RNF216: variants seen among roughly 807,000 people sequenced by gnomAD.
RNF216 encodes E3 ubiquitin-protein ligase RNF216.
A neutral mutation model predicts 110.8 loss-of-function variants in RNF216; 72 were observed. The ratio of observed to expected loss-of-function variants is 0.65; its 90% CI spans 0.54 to 0.79. The LOEUF is 0.79. Ranked by LOEUF, RNF216 falls within the 30% of genes least tolerant of loss-of-function variation. The pLI is 0.00. For missense variants in RNF216, 1,342 were observed against 1,141.2 expected (o/e 1.18, Z -2.54); for synonymous variants, 495 against 407.5 (o/e 1.21, Z -2.59).
chr7:5,720,854 A>G (rs1422392881), intron 9 of RNF216, among the ~76,000 whole-genome samples, 179 bp downstream of exon 9: 2 of 152,220 alleles, frequency 1.3e-5, no homozygotes, highest in Non-Finnish European at 2.9e-5. Context: ...GATTTATGAA[A>G]CCACAAACAT....
intron 3 of RNF216, among the ~76,000 whole-genome samples, chr7:5,744,347 T>C (rs1251302981): frequency 2.0e-5 from 3 of 151,900 alleles, no homozygotes; most frequent in Non-Finnish European, 4.4e-5. Context: ...ATAGACAAAA[T>C]GCAACATTAG....
chr7:5,748,242 G>A (rs1299418632), intron 3 of RNF216, among the ~76,000 whole-genome samples: 1 of 152,184 alleles, frequency 6.6e-6, no homozygotes, highest in Non-Finnish European at 1.5e-5. Flanking sequence ...CACACAAACT[G>A]TCTTTGTGCC....
intron 13 of RNF216, among the ~76,000 whole-genome samples, chr7:5,686,205 C>CA (rs1790974213): frequency 7.5e-6 from 1 of 133,254 alleles, no homozygotes; most frequent in African/African-American, 2.9e-5. Flanking sequence ...CCTGGGTTGA[C>CA]AGAGTATGAC....
At chr7:5,633,798 T>C (rs710941) in intron 15 of RNF216, among the ~76,000 whole-genome samples, 27,290 of 152,000 alleles carry the variant, frequency 0.18, 4,205 homozygotes, top group African/African-American at 0.42. Flanking sequence ...CACCCGGCCT[T>C]TCCAGAAACG....
chr7:5,765,195 C>T (rs776997402), intron 1 of RNF216, among the ~76,000 whole-genome samples: 24 of 152,152 alleles, frequency 1.6e-4, no homozygotes, highest in Non-Finnish European at 2.6e-4. Context: ...GGCATGGTGG[C>T]TCACGCCTTT....
intron 15 of RNF216, among the ~76,000 whole-genome samples, chr7:5,630,697 C>T (rs2128559167): frequency 6.6e-6 from 1 of 152,284 alleles, no homozygotes; most frequent in South Asian, 2.1e-4. Context: ...CTGGTCTGAT[C>T]ACTCTTATAA....
chr7:5,703,747 T>C (rs1461878285), intron 13 of RNF216, among the ~76,000 whole-genome samples: 1 of 152,254 alleles, frequency 6.6e-6, no homozygotes, highest in East Asian at 1.9e-4. Context: ...TCAGTTACTC[T>C]GATTAAACTC....
chr7:5,647,038 C>G (rs1280825355), intron 14 of RNF216, among the ~76,000 whole-genome samples: 1 of 152,022 alleles, frequency 6.6e-6, no homozygotes, highest in Non-Finnish European at 1.5e-5. Context: ...CCTCAGGCAG[C>G]TGCAGCTGGT....
chr7:5,629,804 G>C (rs999832299), intron 15 of RNF216, among the ~76,000 whole-genome samples: 13 of 123,544 alleles, frequency 1.1e-4, no homozygotes, highest in African/African-American at 4.3e-4. Flanking sequence ...TCCAGCCTGG[G>C]CAACAGAGCA....
chr7:5,628,583 C>T (rs1174294561), intron 15 of RNF216, among the ~76,000 whole-genome samples: 3 of 152,058 alleles, frequency 2.0e-5, no homozygotes, highest in African/African-American at 4.8e-5. Context: ...GGTGCAGTGG[C>T]ACCATCATAG....
intron 15 of RNF216, among the ~76,000 whole-genome samples, chr7:5,637,381 G>A (rs559692301): frequency 6.6e-6 from 1 of 152,302 alleles, no homozygotes; most frequent in Non-Finnish European, 1.5e-5. Flanking sequence ...GGGTTTCACT[G>A]GGTCATAAGC....
chr7:5,704,985 C>T (rs1373096883), intron 13 of RNF216, among the ~76,000 whole-genome samples: 2 of 152,182 alleles, frequency 1.3e-5, no homozygotes, highest in Admixed American at 1.3e-4. Flanking sequence ...TGCTGAGGGG[C>T]ATAAAAAGAT....
chr7:5,622,896 G>A lies in RNF216; in HGVS notation c.2736C>T (p.Pro912=), dbSNP rs367627305. Residue 912 remains proline (P), a synonymous_variant, in exon 17 of 17, where the codon CCC becomes CCT. Coordinates refer to ENST00000389902, the MANE Select transcript of RNF216 (RefSeq NM_207111.4). The part of the protein sequence containing the change: ...PIHMPLEHNL[P]MHFGPQPRHR... ...GCCGCGGCTGGGGGCCAAAGTGCATGGGCAGGTTGTGCTCCAGGGGCATGT... is the reference window on the plus strand; with the variant it reads ...GCCGCGGCTGGGGGCCAAAGTGCATAGGCAGGTTGTGCTCCAGGGGCATGT... The A allele has an allele frequency of 1.2e-6, 2 of 1,611,192 alleles. No homozygotes were observed. Among genetic ancestry groups the A allele is most frequent in the Non-Finnish European group, 1.7e-6 (2 of 1,178,160 alleles).
chr7:5,779,798 T>C (rs1202303056), intron 1 of RNF216, among the ~76,000 whole-genome samples: 37 of 133,326 alleles, frequency 2.8e-4, no homozygotes, highest in African/African-American at 9.3e-4. Context: ...CACTGCACTT[T>C]AGCCTGGGAA....
intron 6 of RNF216, among the ~76,000 whole-genome samples, chr7:5,729,870 G>A (rs767492406): frequency 1.3e-4 from 20 of 152,144 alleles, no homozygotes; most frequent in South Asian, 4.2e-4. Context: ...CCATATTTAC[G>A]AACAACTATT....
intron 7 of RNF216, among the ~76,000 whole-genome samples, chr7:5,728,507 G>C (rs1182024693): frequency 1.3e-5 from 2 of 152,076 alleles, no homozygotes; most frequent in East Asian, 3.9e-4. Context: ...TGGGGAGGCA[G>C]AGGCTGCAGT....
In RNF216 at chr7:5,729,447, A is replaced by G. The variant is rs1397371065; in HGVS notation, c.1374T>C (p.Tyr458=). ...AGTAGAGTACCTTTCGGGTGATTGC[A>G]TAGTGTCCTTTGAGCTCGTGCAGGG... ...KWALHELKGH[Y]AITRKALSDA... Residue 458 remains tyrosine (Y), a synonymous_variant, in exon 7 of 17, where the codon TAT becomes TAC. Transcript: ENST00000389902. The G allele has an allele frequency of 1.2e-6, 2 of 1,614,062 alleles. No homozygotes were observed. The highest frequency in any genetic ancestry group is 3.3e-5 in the Admixed American group (2 of 60,004).
chr7:5,663,586 G>GAAAA (rs35905773), intron 13 of RNF216, among the ~76,000 whole-genome samples: 8 of 80,102 alleles, frequency 1.0e-4, no homozygotes, highest in African/African-American at 4.3e-4. Context: ...TCCACCTCAG[G>GAAAA]AAAAAAAAAA....
Position 5,623,038 on chromosome 7 carries a change from G to T in RNF216, c.2594C>A (p.Pro865His), listed in dbSNP as rs777098396. The T allele has an allele frequency of 3.7e-6, 6 of 1,613,954 alleles. No homozygotes were observed. The highest frequency in any genetic ancestry group is 5.1e-6 in the Non-Finnish European group (6 of 1,179,974). ...GAACACAGGCCGCACGGGAGGCAGGGGGAAGGGTGGGTGCGCGAAGGCATA... is the reference window on the plus strand; with the variant it reads ...GAACACAGGCCGCACGGGAGGCAGGTGGAAGGGTGGGTGCGCGAAGGCATA... ...PPYAFAHPPF[P>H]LPPVRPVFNN... is the part of the protein sequence containing the mutation. The change falls in exon 17 of 17, where the codon CCC (proline) becomes CAC (histidine). Residue 865 changes from proline (P) to histidine (H), a missense_variant. Pro to His is a moderately conservative substitution (Grantham distance 77). Transcript: ENST00000389902.
Sources: allele counts gnomAD v4.1 joint callset (sites outside exome capture counted in the v4.1 genomes callset), GRCh38; gene constraint gnomAD v4.1.1; transcripts MANE v1.5; gene names NCBI Gene and HGNC (gene_info 2026-07-23, HGNC 2026-07-21).